The following LIN52 variants were observed in gnomAD, a reference collection of about 807,000 sequenced individuals.
The protein encoded by LIN52 is protein lin-52 homolog.
In LIN52, 4 loss-of-function variants were observed where a neutral mutation model predicts 18.5. The observed-to-expected ratio is 0.22, with a 90% CI of 0.11 to 0.49. The LOEUF is 0.49. Among genes scored for constraint, LIN52 ranks in the 20% least tolerant of loss-of-function variants. The pLI is 0.97. For synonymous variants in LIN52, 34 were observed against 45.5 expected, an observed-to-expected ratio of 0.75 and a Z score of 1.02; for missense variants, 102 against 139.5, an observed-to-expected ratio of 0.73 and a Z score of 1.35.
At chr14:74,114,266 G>C in intron 5 of LIN52, 1 of 984,808 alleles carries the variant, frequency 1.0e-6, no homozygotes. Context: ...ATTTTCCTGT[G>C]TCATTAAAAG....
intron 5 of LIN52, among the ~76,000 whole-genome samples, chr14:74,180,352 G>A (rs1356221274): frequency 2.8e-5 from 4 of 142,162 alleles, no homozygotes; most frequent in Non-Finnish European, 4.5e-5. Flanking sequence ...TGCAAGCTCC[G>A]CCTCCCGGGT....
At chr14:74,133,127 G>A (rs1386711275) in intron 5 of LIN52, among the ~76,000 whole-genome samples, 2 of 152,162 alleles carry the variant, frequency 1.3e-5, no homozygotes, top group Admixed American at 6.5e-5. Flanking sequence ...ATTGACTTGT[G>A]TATAACTTTA....
intron 5 of LIN52, among the ~76,000 whole-genome samples, chr14:74,134,398 T>C (rs554760681): frequency 6.6e-6 from 1 of 152,306 alleles, no homozygotes; most frequent in South Asian, 2.1e-4. Flanking sequence ...GGGATAGGAA[T>C]TGATACTGGA....
In LIN52 at chr14:74,157,660, G is replaced by A. The variant is rs528835457; in HGVS notation, c.284-41262G>A. Among the ~76,000 whole-genome samples, 640 of 151,778 alleles carry A rather than the reference G, an allele frequency of 4.2e-3. 6 individuals carry two copies. The highest frequency in any genetic ancestry group is 0.027 in the Middle Eastern group (8 of 294). On this transcript the variant is annotated intron_variant, in intron 5 of 5. Coordinates refer to ENST00000555028, the MANE Select transcript of LIN52 (RefSeq NM_001024674.3). Reference sequence around the variant, plus strand: ...ATATTTTTTTTTTCTGTGGAGATGGGATTGCTCTGTGCTGCCCAGGCTGGG... The same window carrying A: ...ATATTTTTTTTTTCTGTGGAGATGGAATTGCTCTGTGCTGCCCAGGCTGGG...
At chr14:74,191,836 C>T (rs1362189889) in intron 5 of LIN52, among the ~76,000 whole-genome samples, 2 of 152,124 alleles carry the variant, frequency 1.3e-5, no homozygotes, top group East Asian at 1.9e-4. Flanking sequence ...GGAGTTTCAC[C>T]GTGTTAGCCA....
chr14:74,140,621 G>A (rs62005155), intron 5 of LIN52, among the ~76,000 whole-genome samples: 1 of 151,996 alleles, frequency 6.6e-6, no homozygotes, highest in African/African-American at 2.4e-5. Context: ...GTGACTGTCC[G>A]TCACGAAAAG....
chr14:74,137,131 C>CTG (rs1044546013), intron 5 of LIN52, among the ~76,000 whole-genome samples: 1 of 148,454 alleles, frequency 6.7e-6, no homozygotes, highest in African/African-American at 2.5e-5. Flanking sequence ...AAACCCCCCT[C>CTG]TGTGTGTGTA....
intron 5 of LIN52, among the ~76,000 whole-genome samples, chr14:74,140,195 A>G (rs1364352181): frequency 2.6e-5 from 4 of 152,080 alleles, no homozygotes; most frequent in Non-Finnish European, 5.9e-5. Flanking sequence ...GCAGCATTTT[A>G]CTCTTAGTAT....
At chr14:74,186,724 C>T (rs1332446863) in intron 5 of LIN52, among the ~76,000 whole-genome samples, 2 of 151,850 alleles carry the variant, frequency 1.3e-5, no homozygotes, top group East Asian at 1.9e-4. Context: ...GAAGGCCAGG[C>T]GTGGTGGCTC....
At chr14:74,175,611 T>C (rs1020932903) in intron 5 of LIN52, among the ~76,000 whole-genome samples, 1 of 151,542 alleles carries the variant, frequency 6.6e-6, no homozygotes, top group African/African-American at 2.4e-5. Flanking sequence ...GTAGGAGGAT[T>C]GCTTGAGCCC....
At chr14:74,165,513 C>CTTTTCTTTTTT (rs1555384151) in intron 5 of LIN52, among the ~76,000 whole-genome samples, 3 of 110,262 alleles carry the variant, frequency 2.7e-5, no homozygotes, top group Admixed American at 9.6e-5. Flanking sequence ...GTTTTCTTTT[C>CTTTTCTTTTTT]TTTTTTTTTT....
intron 5 of LIN52, among the ~76,000 whole-genome samples, chr14:74,192,222 A>G (rs759191130): frequency 1.3e-5 from 2 of 152,070 alleles, no homozygotes; most frequent in Admixed American, 6.5e-5. Context: ...ACGGCTTACC[A>G]TGACTGACAA....
At chr14:74,173,921 G>A (rs917402229) in intron 5 of LIN52, among the ~76,000 whole-genome samples, 3 of 152,218 alleles carry the variant, frequency 2.0e-5, no homozygotes, top group Non-Finnish European at 4.4e-5. Flanking sequence ...CAGAAGGACA[G>A]GGCAAGCTTC....
At chr14:74,175,343 C>T (rs1163180614) in intron 5 of LIN52, among the ~76,000 whole-genome samples, 1 of 151,504 alleles carries the variant, frequency 6.6e-6, no homozygotes, top group Non-Finnish European at 1.5e-5. Flanking sequence ...CATGGTGGCT[C>T]ATGTTTATAA....
intron 5 of LIN52, among the ~76,000 whole-genome samples, chr14:74,117,468 G>T (rs561466923): frequency 1.5e-4 from 22 of 150,210 alleles, no homozygotes; most frequent in Middle Eastern, 3.4e-3. Context: ...AATGGACCTG[G>T]ATTTCTTTTT....
At chr14:74,138,769 CA>C (rs35627946) in intron 5 of LIN52, among the ~76,000 whole-genome samples, 308 of 113,814 alleles carry the variant, frequency 2.7e-3, no homozygotes, top group African/African-American at 4.5e-3. Context: ...GACCCTGCCT[CA>C]AAAAAAAAAA....
At chr14:74,146,274 A>G (rs2061152174) in intron 5 of LIN52, among the ~76,000 whole-genome samples, 1 of 152,204 alleles carries the variant, frequency 6.6e-6, no homozygotes, top group Admixed American at 6.5e-5. Context: ...TGGATACATT[A>G]TGGAACTATT....
intron 5 of LIN52, among the ~76,000 whole-genome samples, chr14:74,126,034 A>T (rs2061028005): frequency 4.4e-5 from 5 of 112,444 alleles, no homozygotes. Context: ...AACTTAAAGT[A>T]TTAAAAAAAA....
chr14:74,122,574 A>G (rs1204956297), intron 5 of LIN52, among the ~76,000 whole-genome samples: 1 of 152,114 alleles, frequency 6.6e-6, no homozygotes, highest in Admixed American at 6.6e-5. Context: ...TATACAAATA[A>G]TTTTTACCTG....
Sources: allele counts gnomAD v4.1 joint callset (sites outside exome capture counted in the v4.1 genomes callset), GRCh38; gene constraint gnomAD v4.1.1; transcripts MANE v1.5; gene names NCBI Gene and HGNC (gene_info 2026-07-23, HGNC 2026-07-21).